NHERF1: variants seen among roughly 807,000 people sequenced by gnomAD.
NHERF1 encodes Na(+)/H(+) exchange regulatory cofactor NHE-RF1.
the NHERF1 span, chr17:74,767,955 G>A: frequency 2.9e-6 from 2 of 694,352 alleles, no homozygotes; most frequent in African/African-American, 1.8e-5. Flanking sequence ...GAACCAGCCT[G>A]CCCTCTGATC....
the NHERF1 span, among the ~76,000 whole-genome samples, chr17:74,756,273 C>CTTTTTTTTTTTTT: frequency 1.8e-4 from 13 of 71,992 alleles, no homozygotes; most frequent in African/African-American, 2.3e-4. Flanking sequence ...TTCTTTCTTT[C>CTTTTTTTTTTTTT]TTTTTTTTTT....
the NHERF1 span, among the ~76,000 whole-genome samples, chr17:74,758,234 G>A: frequency 1.3e-5 from 2 of 152,218 alleles, no homozygotes; most frequent in Admixed American, 6.5e-5. The surrounding 1 kb of genome is among the most constrained non-coding windows in gnomAD (Gnocchi z 4.3). Context: ...CCCGCCATCC[G>A]CTCCCTGGAC....
At chr17:74,748,983 C>T in the NHERF1 span, 24 of 1,607,678 alleles carry the variant, frequency 1.5e-5, no homozygotes, top group Middle Eastern at 1.6e-4. The surrounding 1 kb of genome is among the most constrained non-coding windows in gnomAD (Gnocchi z 4.3). Flanking sequence ...GAGCCCGGCT[C>T]GCCGGCCGAG....
chr17:74,758,615 G>C, the NHERF1 span, among the ~76,000 whole-genome samples: 1 of 152,118 alleles, frequency 6.6e-6, no homozygotes, highest in African/African-American at 2.4e-5. The surrounding 1 kb of genome is among the most constrained non-coding windows in gnomAD (Gnocchi z 4.3). Flanking sequence ...GGAACTCACT[G>C]GGGCTATGTT....
At chr17:74,753,391 C>CCATT in the NHERF1 span, among the ~76,000 whole-genome samples, 1 of 152,116 alleles carries the variant, frequency 6.6e-6, no homozygotes, top group African/African-American at 2.4e-5. Context: ...GGCGGGCGGG[C>CCATT]CATTTTACAC....
chr17:74,755,533 C>T, the NHERF1 span, among the ~76,000 whole-genome samples: 1 of 152,204 alleles, frequency 6.6e-6, no homozygotes, highest in Non-Finnish European at 1.5e-5. Context: ...CCCTGAGGTC[C>T]AGGTCACCTC....
At chr17:74,749,003 CT>C in the NHERF1 span, 1 of 1,609,516 alleles carries the variant, frequency 6.2e-7, no homozygotes, top group South Asian at 1.1e-5. The surrounding 1 kb of genome is among the most constrained non-coding windows in gnomAD (Gnocchi z 5.6). Context: ...GAAGGCGGGG[CT>C]GCTGGCGGGG....
the NHERF1 span, chr17:74,768,635 C>T: frequency 2.2e-5 from 36 of 1,614,052 alleles, no homozygotes; most frequent in East Asian, 1.8e-4. Context: ...GCAAGAAAAA[C>T]GAACTCTTCA....
the NHERF1 span, among the ~76,000 whole-genome samples, chr17:74,754,051 C>T: frequency 6.6e-6 from 1 of 152,052 alleles, no homozygotes; most frequent in Non-Finnish European, 1.5e-5. Context: ...GTAATCCCAG[C>T]TACTCGGGAG....
chr17:74,759,022 G>A, the NHERF1 span, among the ~76,000 whole-genome samples: 4 of 152,190 alleles, frequency 2.6e-5, no homozygotes, highest in Non-Finnish European at 4.4e-5. Flanking sequence ...GCTCCTGCTA[G>A]GGAGGGGTGA....
At chr17:74,768,048 T>C in the NHERF1 span, 2 of 862,180 alleles carry the variant, frequency 2.3e-6, no homozygotes, top group Non-Finnish European at 4.0e-6. Context: ...GTGCTACCTC[T>C]TCTCAGTCTG....
At chr17:74,767,661 T>A in the NHERF1 span, among the ~76,000 whole-genome samples, 1 of 149,600 alleles carries the variant, frequency 6.7e-6, no homozygotes, top group Non-Finnish European at 1.5e-5. Context: ...TCCATCCACC[T>A]TCTTCTTTCA....
At chr17:74,758,425 C>T in the NHERF1 span, among the ~76,000 whole-genome samples, 1 of 152,180 alleles carries the variant, frequency 6.6e-6, no homozygotes, top group African/African-American at 2.4e-5. This position sits in a 1 kb window ranked among gnomAD's most constrained non-coding sequence, Gnocchi z 4.3. Flanking sequence ...TGAGAGTCTC[C>T]AGCCTGTCCA....
chr17:74,768,954 A>G, the NHERF1 span: 1 of 449,056 alleles, frequency 2.2e-6, no homozygotes, highest in Non-Finnish European at 4.1e-6. Flanking sequence ...GCACCATGCC[A>G]GGATCATGGG....
the NHERF1 span, among the ~76,000 whole-genome samples, chr17:74,753,984 T>A: frequency 4.0e-5 from 6 of 151,808 alleles, no homozygotes; most frequent in Admixed American, 3.3e-4. Flanking sequence ...GCCAACATGG[T>A]AAAAACCCAT....
At chr17:74,761,885 A>T in the NHERF1 span, 1 of 890,696 alleles carries the variant, frequency 1.1e-6, no homozygotes, top group South Asian at 1.4e-5. The surrounding 1 kb of genome is among the most constrained non-coding windows in gnomAD (Gnocchi z 4.3). Flanking sequence ...ATTGCTGTGT[A>T]GGGATCTAGG....
chr17:74,769,019 C>CCTG, the NHERF1 span: 2 of 286,296 alleles, frequency 7.0e-6, no homozygotes, highest in Non-Finnish European at 6.7e-6. Context: ...GGGTCCAGGG[C>CCTG]TGATCAAAGA....
At chr17:74,748,789 G>C in the NHERF1 span, 1 of 1,437,802 alleles carries the variant, frequency 7.0e-7, no homozygotes, top group Non-Finnish European at 9.5e-7. The surrounding 1 kb of genome is among the most constrained non-coding windows in gnomAD (Gnocchi z 4.3). Flanking sequence ...GGGCTGGGCC[G>C]TCCCGTCCCG....
chr17:74,759,379 C>G, the NHERF1 span, among the ~76,000 whole-genome samples: 2 of 152,206 alleles, frequency 1.3e-5, no homozygotes, highest in Non-Finnish European at 2.9e-5. Context: ...AGCTTTGGCA[C>G]CATATGTCAC....
Sources: gnomAD v4.1 joint callset for allele counts (sites outside exome capture counted in the v4.1 genomes callset) on GRCh38, gnomAD v4.1.1 for gene constraint, Gnocchi (gnomAD v3.1) non-coding constraint, MANE v1.5 for transcripts, NCBI Gene and HGNC (gene_info 2026-07-23, HGNC 2026-07-21) for gene names.